Variants in TMEM74 observed in about 807,000 individuals in gnomAD.
TMEM74 encodes transmembrane protein 74.
TMEM74 carries 13 observed loss-of-function variants against 18.1 expected under a neutral mutation model. The ratio of observed to expected loss-of-function variants is 0.72; its 90% CI spans 0.47 to 1.14. The LOEUF is 1.14. Among genes scored for constraint, TMEM74 ranks in the 50% most tolerant of loss-of-function variants. The probability of loss-of-function intolerance (pLI) is 0.00; values close to 1 mark genes in which losing one functional copy is unlikely to be tolerated. For synonymous variants in TMEM74, 159 were observed against 146.6 expected (o/e 1.08, Z -0.61); for missense variants, 372 against 375.9 (o/e 0.99, Z 0.09).
intron 1 of TMEM74, among the ~76,000 whole-genome samples, chr8:108,702,119 C>A (rs576409329): frequency 2.0e-5 from 3 of 151,704 alleles, no homozygotes; most frequent in East Asian, 3.9e-4. Context: ...ATGAGGTGGG[C>A]GGATCATGAG....
intron 1 of TMEM74, among the ~76,000 whole-genome samples, chr8:108,687,731 T>C (rs979485280): frequency 6.6e-6 from 1 of 151,618 alleles, no homozygotes; most frequent in African/African-American, 2.4e-5. Context: ...CACAATAGGG[T>C]TTCATACTCC....
At chr8:108,709,940 A>G (rs1431249763) in intron 1 of TMEM74, among the ~76,000 whole-genome samples, 3 of 152,216 alleles carry the variant, frequency 2.0e-5, no homozygotes, top group African/African-American at 7.2e-5. Flanking sequence ...TGACAATACA[A>G]TATTATGATT....
chr8:108,696,224 T>G (rs1269231353), intron 1 of TMEM74, among the ~76,000 whole-genome samples: 12 of 152,236 alleles, frequency 7.9e-5, no homozygotes, highest in Non-Finnish European at 1.5e-5. Flanking sequence ...TTTCCAGCAC[T>G]TACTCTGCAA....
chr8:108,775,759 G>C (rs771796569), downstream of TMEM74, among the ~76,000 whole-genome samples: 1 of 152,112 alleles, frequency 6.6e-6, no homozygotes, highest in Non-Finnish European at 1.5e-5. Context: ...CTTATATTCT[G>C]TTCGCAATCA....
rs552495215 is a variant in TMEM74, at chr8:108,629,920, C to T, written n.265-21094G>A. On this transcript the variant is annotated intron_variant and non_coding_transcript_variant, in intron 2 of 3. Transcript: ENST00000518838. Reference sequence around the variant, plus strand: ...AACCAATGACACTATGAAGAAACTGCTTCAACTAATGTGCAAAATAACCAG... The same window carrying T: ...AACCAATGACACTATGAAGAAACTGTTTCAACTAATGTGCAAAATAACCAG... Among the ~76,000 whole-genome samples the T allele has an allele frequency of 6.6e-5, 10 of 152,176 alleles. No individual in the cohort carries two copies. The South Asian group carries it at 2.1e-3, about 32-fold the overall frequency.
chr8:108,769,886 A>G (rs1814152212), intron 1 of TMEM74, among the ~76,000 whole-genome samples: 2 of 151,794 alleles, frequency 1.3e-5, no homozygotes, highest in South Asian at 4.1e-4. Context: ...CAGTCTCACA[A>G]GAAGTGCTTA....
intron 1 of TMEM74, among the ~76,000 whole-genome samples, chr8:108,664,654 C>T (rs1357619340): frequency 2.0e-5 from 3 of 151,992 alleles, no homozygotes; most frequent in Admixed American, 2.0e-4. Flanking sequence ...TTTCTCTGGC[C>T]AGGAATTTCT....
At chr8:108,745,970 C>G (rs746859240) in intron 1 of TMEM74, among the ~76,000 whole-genome samples, 10 of 152,146 alleles carry the variant, frequency 6.6e-5, no homozygotes, top group Non-Finnish European at 1.0e-4. Context: ...GACCCTCTCA[C>G]ACGCACCCCC....
chr8:108,750,057 A>G (rs1324583544), intron 1 of TMEM74, among the ~76,000 whole-genome samples: 1 of 152,082 alleles, frequency 6.6e-6, no homozygotes, highest in East Asian at 1.9e-4. Flanking sequence ...CTGTTAACTC[A>G]TGATCCTTTT....
intron 2 of TMEM74, among the ~76,000 whole-genome samples, chr8:108,624,280 G>A (rs1397576596): frequency 6.6e-6 from 1 of 152,052 alleles, no homozygotes; most frequent in Admixed American, 6.6e-5. Flanking sequence ...CAGATAGAAA[G>A]GTAGCAGAAT....
In TMEM74 at chr8:108,707,157, G is replaced by A. The variant is rs538292983; in HGVS notation, n.120-51720C>T. Among the ~76,000 whole-genome samples the A allele has an allele frequency of 9.5e-5, 14 of 147,790 alleles. No individual in the cohort carries two copies. The South Asian group carries it at 1.3e-3, about 14-fold the overall frequency. On this transcript the variant is annotated intron_variant and non_coding_transcript_variant, in intron 1 of 3. Transcript: ENST00000518838. ...CAATGAGAACACTTGGACACAGGGC[G>A]GGGAACATCACACACCGGGGCCTGT...
At chr8:108,641,152 A>G (rs941195226) in intron 2 of TMEM74, among the ~76,000 whole-genome samples, 3 of 152,146 alleles carry the variant, frequency 2.0e-5, no homozygotes, top group Admixed American at 2.0e-4. Flanking sequence ...ATCAGCTTAC[A>G]GTATAATAGA....
Position 108,650,654 on chromosome 8 carries a change from C to T in TMEM74, n.264+4639G>A, listed in dbSNP as rs112680120. ...TGAAATTTGCCTGGCTTTTCTTTTA[C>T]TTACTTTGGATTGTTGCTTGAATGT... On this transcript the variant is annotated intron_variant and non_coding_transcript_variant, in intron 2 of 3. Coordinates refer to the TMEM74 transcript ENST00000518838. Among the ~76,000 whole-genome samples, 60 of 152,204 alleles carry T rather than the reference C, an allele frequency of 3.9e-4. 1 individual carries two copies. Among genetic ancestry groups the T allele is most frequent in the African/African-American group, 1.4e-3 (59 of 41,534 alleles).
chr8:108,626,782 T>C (rs1356529842), intron 2 of TMEM74: 1 of 152,066 alleles, frequency 6.6e-6, no homozygotes, highest in African/African-American at 2.4e-5. Flanking sequence ...TCTATCTATA[T>C]ATACAACCTG....
At chr8:108,700,752 G>T (rs1045152125) in intron 1 of TMEM74, among the ~76,000 whole-genome samples, 1 of 152,168 alleles carries the variant, frequency 6.6e-6, no homozygotes, top group South Asian at 2.1e-4. Context: ...GATGTCATTA[G>T]TGTTTATGAG....
intron 2 of TMEM74, among the ~76,000 whole-genome samples, chr8:108,633,203 T>C (rs1353453169): frequency 6.6e-6 from 1 of 152,038 alleles, no homozygotes; most frequent in Non-Finnish European, 1.5e-5. Flanking sequence ...TTTATACTTG[T>C]TCTTTCCCCA....
intron 1 of TMEM74, among the ~76,000 whole-genome samples, chr8:108,690,641 C>A (rs1490815610): frequency 6.6e-6 from 1 of 151,820 alleles, no homozygotes; most frequent in Non-Finnish European, 1.5e-5. Flanking sequence ...CGCTGAAACC[C>A]CGTCTCTACT....
At chr8:108,634,856 A>G (rs1812591453) in intron 2 of TMEM74, among the ~76,000 whole-genome samples, 1 of 152,068 alleles carries the variant, frequency 6.6e-6, no homozygotes, top group Admixed American at 6.6e-5. Flanking sequence ...TTCAGAGTGA[A>G]GAAGTCAGCA....
intron 1 of TMEM74, among the ~76,000 whole-genome samples, chr8:108,760,265 T>A (rs1440817864): frequency 6.6e-6 from 1 of 151,864 alleles, no homozygotes; most frequent in Non-Finnish European, 1.5e-5. Context: ...TCTGAAGGCC[T>A]TTTTGCTTGA....
Sources: allele counts gnomAD v4.1 joint callset (sites outside exome capture counted in the v4.1 genomes callset), GRCh38; gene constraint gnomAD v4.1.1; transcripts MANE v1.5; gene names NCBI Gene and HGNC (gene_info 2026-07-23, HGNC 2026-07-21).